GABRG3: variants seen among roughly 807,000 people sequenced by gnomAD.
The protein encoded by GABRG3 is gamma-aminobutyric acid receptor subunit gamma-3.
GABRG3 carries 25 observed loss-of-function variants against 48.8 expected under a neutral mutation model. That is an observed-to-expected ratio of 0.51 (90% confidence interval 0.37 to 0.72). GABRG3 has a LOEUF of 0.72. Ranked by LOEUF, GABRG3 falls within the 30% of genes least tolerant of loss-of-function variation. The pLI is 0.00. For synonymous variants in GABRG3, 227 were observed against 217.6 expected (o/e 1.04, Z -0.38); for missense variants, 394 against 577.9 (o/e 0.68, Z 3.26).
At chr15:27,216,750 T>TTTTA (rs57072496) in intron 3 of GABRG3, among the ~76,000 whole-genome samples, 145 of 125,868 alleles carry the variant, frequency 1.2e-3, no homozygotes, top group Middle Eastern at 4.1e-3. Context: ...TTTTTTTATT[T>TTTTA]TTTATTTATT....
At chr15:27,081,107 G>T (rs1276945761) in intron 3 of GABRG3, among the ~76,000 whole-genome samples, 1 of 152,190 alleles carries the variant, frequency 6.6e-6, no homozygotes, top group Non-Finnish European at 1.5e-5. Flanking sequence ...AGGACCACAA[G>T]TTGACCTGGA....
chr15:27,239,742 T>C (rs1890079984), intron 3 of GABRG3, among the ~76,000 whole-genome samples: 1 of 152,208 alleles, frequency 6.6e-6, no homozygotes, highest in African/African-American at 2.4e-5. Flanking sequence ...TGCTTAAATA[T>C]ATTGGTTTCT....
At chr15:27,429,446 TA>T (rs1215770402) in intron 5 of GABRG3, among the ~76,000 whole-genome samples, 6 of 152,174 alleles carry the variant, frequency 3.9e-5, no homozygotes. Flanking sequence ...TCACATGCCA[TA>T]AATTTCATCA....
intron 3 of GABRG3, among the ~76,000 whole-genome samples, chr15:27,194,914 G>T (rs756938169): frequency 6.6e-6 from 1 of 151,854 alleles, no homozygotes; most frequent in Non-Finnish European, 1.5e-5. Context: ...TGAAATTGTC[G>T]TACTAGTTCC....
intron 3 of GABRG3, among the ~76,000 whole-genome samples, chr15:27,091,236 G>C (rs1048997955): frequency 7.9e-5 from 12 of 152,092 alleles, no homozygotes; most frequent in South Asian, 2.1e-4. Flanking sequence ...GGTATCAATT[G>C]ATCATTTTGT....
chr15:27,089,538 C>G lies in GABRG3; in HGVS notation c.270+62717C>G, dbSNP rs184823171. On this transcript the variant is annotated intron_variant, in intron 3 of 9. Transcript: ENST00000615808. ...CCAGACTCAGAGTTGAAAGGCAGTT[C>G]GGAGACAAGCATGTGTTTGCACAGG... Among the ~76,000 whole-genome samples, 229 of 152,188 alleles carry G rather than the reference C, an allele frequency of 1.5e-3. 1 individual carries two copies. Among genetic ancestry groups the G allele is most frequent in the South Asian group, 2.7e-3 (13 of 4,818 alleles).
chr15:27,541,892 A>C lies in GABRG3; in HGVS notation c.*9011A>C, dbSNP rs1025395751. 1.3e-5 allele frequency: 2 copies of C among 152,282 alleles called. No homozygotes were observed. The highest frequency in any genetic ancestry group is 2.9e-5 in the Non-Finnish European group (2 of 68,074). 9.4% of individuals were successfully genotyped at this position (152,282 alleles called of 1,614,324 possible). ...TGCGTCCCGTCCCCGCCGTGCCCTC[A>C]GCTGGGCCTCGTGGCTGGGCCGCCC... On this transcript the variant is annotated 3_prime_UTR_variant, in exon 10 of 10. Transcript: ENST00000615808.
intron 5 of GABRG3, chr15:27,350,157 A>C (rs375061312): frequency 2.2e-6 from 1 of 455,954 alleles, no homozygotes; most frequent in Non-Finnish European, 4.4e-6. Context: ...TTGTCTCTTC[A>C]TGCATATCGC....
intron 2 of GABRG3, among the ~76,000 whole-genome samples, chr15:27,010,249 C>T (rs868387642): frequency 1.3e-5 from 2 of 152,222 alleles, no homozygotes; most frequent in Non-Finnish European, 1.5e-5. Flanking sequence ...TGCCACCCCT[C>T]CTCCATAGGC....
chr15:27,412,667 G>C (rs536324840), intron 5 of GABRG3, among the ~76,000 whole-genome samples: 1 of 152,204 alleles, frequency 6.6e-6, no homozygotes, highest in Non-Finnish European at 1.5e-5. Flanking sequence ...AAGAGGCAGC[G>C]TGGTCTTAGA....
chr15:27,281,307 C>T (rs555722798), intron 3 of GABRG3, among the ~76,000 whole-genome samples: 142 of 152,052 alleles, frequency 9.3e-4, no homozygotes, highest in African/African-American at 3.3e-3. Context: ...TGTGCTAAGC[C>T]TTCCCTCTGC....
intron 3 of GABRG3, among the ~76,000 whole-genome samples, chr15:27,129,554 C>T (rs999595938): frequency 1.3e-5 from 2 of 152,098 alleles, no homozygotes; most frequent in Non-Finnish European, 2.9e-5. Flanking sequence ...TTTGGGTGTA[C>T]ACCTGCAAGT....
chr15:27,526,246 C>A (rs908113285), intron 7 of GABRG3, among the ~76,000 whole-genome samples: 1 of 152,214 alleles, frequency 6.6e-6, no homozygotes, highest in African/African-American at 2.4e-5. Context: ...GAGACCCATT[C>A]TCCACCTGGC....
chr15:27,424,929 A>G (rs553672882), intron 5 of GABRG3, among the ~76,000 whole-genome samples: 2 of 152,262 alleles, frequency 1.3e-5, no homozygotes, highest in African/African-American at 4.8e-5. Context: ...TTCAGAGCAT[A>G]GCAGGGGCCT....
intron 5 of GABRG3, among the ~76,000 whole-genome samples, chr15:27,466,104 A>G (rs1889600587): frequency 6.6e-6 from 1 of 152,218 alleles, no homozygotes; most frequent in African/African-American, 2.4e-5. Context: ...ATAAGGAAAA[A>G]CACTGAATGC....
intron 3 of GABRG3, among the ~76,000 whole-genome samples, chr15:27,191,983 G>A (rs1003498665): frequency 6.6e-6 from 1 of 151,614 alleles, no homozygotes; most frequent in Non-Finnish European, 1.5e-5. Context: ...CTTCACTTAT[G>A]AAGCTTAGTT....
In GABRG3 at chr15:27,436,346, C is replaced by T. The variant is rs180806105; in HGVS notation, c.575-44304C>T. 4.3e-3 allele frequency among the ~76,000 whole-genome samples: 659 copies of T among 152,266 alleles called. 4 individuals are homozygous for T. The highest frequency in any genetic ancestry group is 6.8e-3 in the Middle Eastern group (2 of 294). On this transcript the variant is annotated intron_variant, in intron 5 of 9. Coordinates refer to ENST00000615808, the MANE Select transcript of GABRG3 (RefSeq NM_033223.5). The stretch of plus-strand genomic sequence containing the variant: ...CTTTGTCACCTCCCAAAGGTAACAC[C>T]TCCAAATACCACTGGGAATTCGGAT...
intron 3 of GABRG3, among the ~76,000 whole-genome samples, chr15:27,260,892 G>A (rs192029546): frequency 1.1e-3 from 161 of 152,312 alleles, no homozygotes; most frequent in African/African-American, 3.7e-3. Context: ...AGAGGCAGGT[G>A]TGCACTGAGA....
chr15:27,338,649 G>A (rs1458099855), intron 5 of GABRG3, among the ~76,000 whole-genome samples: 3 of 152,242 alleles, frequency 2.0e-5, no homozygotes, highest in African/African-American at 4.8e-5. Flanking sequence ...CACCATGTGC[G>A]TTTCATGGTC....
Sources: gnomAD v4.1 joint callset for allele counts (sites outside exome capture counted in the v4.1 genomes callset) on GRCh38, gnomAD v4.1.1 for gene constraint, MANE v1.5 for transcripts, NCBI Gene and HGNC (gene_info 2026-07-23, HGNC 2026-07-21) for gene names.